CDKAL1: variants seen among roughly 807,000 people sequenced by gnomAD.
CDKAL1 encodes the protein CDKAL1 threonylcarbamoyladenosine tRNA methylthiotransferase.
In CDKAL1, 32 loss-of-function variants were observed where a neutral mutation model predicts 68.2. The observed-to-expected ratio is 0.47, with a 90% CI of 0.35 to 0.63. CDKAL1 has a LOEUF of 0.63. Ranked by LOEUF, CDKAL1 falls within the 30% of genes least tolerant of loss-of-function variation. The pLI, the probability that CDKAL1 is intolerant of heterozygous loss-of-function variation, is 0.00. For synonymous variants in CDKAL1, 234 were observed against 244.3 expected, an observed-to-expected ratio of 0.96 and a Z score of 0.39; for missense variants, 606 against 696.7, an observed-to-expected ratio of 0.87 and a Z score of 1.47.
intron 9 of CDKAL1, among the ~76,000 whole-genome samples, chr6:20,881,468 C>T (rs936541842): frequency 2.6e-5 from 4 of 152,172 alleles, no homozygotes; most frequent in Non-Finnish European, 5.9e-5. Context: ...TGTCATCTCA[C>T]TCTTCTGTGA....
chr6:21,136,687 A>G (rs570313435), intron 13 of CDKAL1, among the ~76,000 whole-genome samples: 1 of 152,152 alleles, frequency 6.6e-6, no homozygotes, highest in East Asian at 1.9e-4. Flanking sequence ...TAAGATGGAT[A>G]TTTAGGGGTT....
rs1043581400 is a variant in CDKAL1 at position 21,124,256 on chromosome 6, G to A, written c.1299+15793G>A. Among the ~76,000 whole-genome samples, 5 of 152,156 alleles carry A rather than the reference G, an allele frequency of 3.3e-5. No homozygotes were observed. The East Asian group carries it at 5.8e-4, about 18-fold the overall frequency. Reference sequence around the variant, plus strand: ...ATAGTTTGATAATGGAATAGTGCTTGTTAGCATGTATCTCTATCAGGGTTT... The same window carrying A: ...ATAGTTTGATAATGGAATAGTGCTTATTAGCATGTATCTCTATCAGGGTTT... On this transcript the variant is annotated intron_variant, in intron 13 of 15. Transcript: ENST00000274695.
At chr6:21,098,534 C>CTTTTTTT (rs34764667) in intron 12 of CDKAL1, among the ~76,000 whole-genome samples, 2 of 80,974 alleles carry the variant, frequency 2.5e-5, no homozygotes, top group African/African-American at 4.6e-5. Context: ...GGGTACACAG[C>CTTTTTTT]TTTTTTTTTT....
At chr6:20,845,837 A>G (rs541375291) in intron 8 of CDKAL1, among the ~76,000 whole-genome samples, 2 of 152,178 alleles carry the variant, frequency 1.3e-5, no homozygotes, top group Non-Finnish European at 2.9e-5. Context: ...CTTTTAGATA[A>G]TGTGTGATTT....
intron 11 of CDKAL1, among the ~76,000 whole-genome samples, chr6:21,030,400 C>T (rs563430624): frequency 2.4e-4 from 36 of 152,048 alleles, no homozygotes; most frequent in African/African-American, 7.5e-4. Flanking sequence ...ACCTAGATGA[C>T]GGGTTGATAG....
intron 4 of CDKAL1, among the ~76,000 whole-genome samples, chr6:20,589,392 A>G (rs952636146): frequency 6.6e-6 from 1 of 152,220 alleles, no homozygotes; most frequent in Non-Finnish European, 1.5e-5. Context: ...AGAAAGTGTC[A>G]GATTGCTTCC....
chr6:20,867,867 A>G (rs1024455872), intron 9 of CDKAL1, among the ~76,000 whole-genome samples: 1 of 152,206 alleles, frequency 6.6e-6, no homozygotes, highest in African/African-American at 2.4e-5. Flanking sequence ...AATCGCCTTT[A>G]ATCACCATTA....
At chr6:21,230,000 A>ATGAT (rs892490004) in intron 15 of CDKAL1, among the ~76,000 whole-genome samples, 2 of 152,140 alleles carry the variant, frequency 1.3e-5, no homozygotes, top group African/African-American at 4.8e-5. Context: ...TGAAGAGAAA[A>ATGAT]TGATGATAGT....
chr6:21,164,689 T>C (rs749156399), intron 13 of CDKAL1, among the ~76,000 whole-genome samples: 1 of 152,176 alleles, frequency 6.6e-6, no homozygotes, highest in Non-Finnish European at 1.5e-5. Flanking sequence ...GAGGTCAGAA[T>C]GCCCCCTCAT....
chr6:20,991,684 G>A (rs1009942752), intron 10 of CDKAL1, among the ~76,000 whole-genome samples: 4 of 140,068 alleles, frequency 2.9e-5, no homozygotes, highest in African/African-American at 1.1e-4. Flanking sequence ...TCCAGCCTGG[G>A]TGACAGAGTG....
intron 5 of CDKAL1, among the ~76,000 whole-genome samples, chr6:20,697,635 GT>G (rs968094407): frequency 6.6e-6 from 1 of 152,158 alleles, no homozygotes; most frequent in African/African-American, 2.4e-5. Flanking sequence ...CATGGCAAAA[GT>G]TTTCATACCG....
intron 9 of CDKAL1, among the ~76,000 whole-genome samples, chr6:20,899,610 G>A (rs1761867673): frequency 1.3e-5 from 2 of 152,060 alleles, no homozygotes; most frequent in South Asian, 2.1e-4. Context: ...TTGGGAGCCC[G>A]AGGCAGGCAG....
At chr6:20,854,225 C>A (rs1346193219) in intron 9 of CDKAL1, among the ~76,000 whole-genome samples, 2 of 152,196 alleles carry the variant, frequency 1.3e-5, no homozygotes, top group Admixed American at 6.5e-5. Flanking sequence ...AGCCAGGTTT[C>A]CTCCTCAGAA....
intron 9 of CDKAL1, among the ~76,000 whole-genome samples, chr6:20,952,149 A>G (rs975832980): frequency 2.0e-5 from 3 of 151,664 alleles, no homozygotes; most frequent in Admixed American, 1.3e-4. Context: ...TAGTAGAGAC[A>G]GGGTTTCACC....
At chr6:20,602,730 C>A (rs948739448) in intron 4 of CDKAL1, among the ~76,000 whole-genome samples, 6 of 152,192 alleles carry the variant, frequency 3.9e-5, no homozygotes, top group African/African-American at 1.4e-4. Flanking sequence ...ACTGATTCAG[C>A]AGCCTCACTT....
At chr6:20,822,808 T>C (rs1019265513) in intron 8 of CDKAL1, among the ~76,000 whole-genome samples, 9 of 152,164 alleles carry the variant, frequency 5.9e-5, no homozygotes, top group African/African-American at 2.2e-4. Context: ...CCTTCCACCA[T>C]GATTTAAGTT....
chr6:20,873,069 A>G (rs1391386477), intron 9 of CDKAL1, among the ~76,000 whole-genome samples: 1 of 152,198 alleles, frequency 6.6e-6, no homozygotes, highest in African/African-American at 2.4e-5. Context: ...TGCCCGTTCC[A>G]AATTCTTATC....
At chr6:21,024,515 G>A (rs1768852946) in intron 11 of CDKAL1, among the ~76,000 whole-genome samples, 3 of 152,096 alleles carry the variant, frequency 2.0e-5, no homozygotes, top group Admixed American at 6.6e-5. Flanking sequence ...AAGAAATCAA[G>A]AGAAAGGGCA....
intron 15 of CDKAL1, among the ~76,000 whole-genome samples, chr6:21,223,255 G>A (rs1779602495): frequency 6.6e-6 from 1 of 152,048 alleles, no homozygotes; most frequent in Admixed American, 6.6e-5. Context: ...GTGTTGCTGT[G>A]GGGCTGTACT....
Sources: allele counts gnomAD v4.1 joint callset (sites outside exome capture counted in the v4.1 genomes callset), GRCh38; gene constraint gnomAD v4.1.1; transcripts MANE v1.5; gene names NCBI Gene and HGNC (gene_info 2026-07-23, HGNC 2026-07-21).